The following AGPAT5 variants were observed in gnomAD, a reference collection of about 807,000 sequenced individuals.
AGPAT5 encodes the protein 1-acyl-sn-glycerol-3-phosphate acyltransferase epsilon.
Under a neutral mutation model 45.6 loss-of-function variants are expected in AGPAT5, and 46 were observed. The ratio of observed to expected loss-of-function variants is 1.01; its 90% CI spans 0.80 to 1.29. The LOEUF is 1.29. AGPAT5 is among the 50% of genes most tolerant of loss of function. The pLI, the probability that AGPAT5 is intolerant of heterozygous loss-of-function variation, is 0.00. For synonymous variants in AGPAT5, 272 were observed against 167.0 expected, an observed-to-expected ratio of 1.63 and a Z score of -4.85; for missense variants, 673 against 450.7, an observed-to-expected ratio of 1.49 and a Z score of -4.47.
intron 4 of AGPAT5, among the ~76,000 whole-genome samples, chr8:6,735,833 T>A (rs1176067456): frequency 6.6e-6 from 1 of 151,602 alleles, no homozygotes; most frequent in South Asian, 2.1e-4. Flanking sequence ...GTGTTCCTGT[T>A]TATTCTTTAT....
At chr8:6,754,493 G>C (rs576350090) in intron 6 of AGPAT5, among the ~76,000 whole-genome samples, 1 of 152,202 alleles carries the variant, frequency 6.6e-6, no homozygotes, top group Non-Finnish European at 1.5e-5. Flanking sequence ...GAGAAGCTGT[G>C]TGTCAGGCGA....
At chr8:6,743,282 A>G (rs1801298397) in intron 5 of AGPAT5, among the ~76,000 whole-genome samples, 1 of 152,148 alleles carries the variant, frequency 6.6e-6, no homozygotes, top group East Asian at 1.9e-4. Flanking sequence ...GGCTTTAGCC[A>G]TCGTTTCCTT....
chr8:6,747,177 A>C (rs1801501847), intron 5 of AGPAT5, among the ~76,000 whole-genome samples: 1 of 152,250 alleles, frequency 6.6e-6, no homozygotes, highest in Admixed American at 6.5e-5. Context: ...CACACAGTGG[A>C]ATACTAACTA....
chr8:6,734,515 C>T (rs1476560442), intron 4 of AGPAT5, among the ~76,000 whole-genome samples: 1 of 152,130 alleles, frequency 6.6e-6, no homozygotes, highest in African/African-American at 2.4e-5. Flanking sequence ...TCACGTTTTC[C>T]AGTTGAACCT....
intron 4 of AGPAT5, chr8:6,738,695 G>C (rs1170590807): frequency 6.6e-6 from 1 of 152,192 alleles, no homozygotes; most frequent in African/African-American, 2.4e-5. Context: ...TCACTCCTAA[G>C]AATGTTCCTG....
chr8:6,714,624 C>T (rs1800260929), intron 1 of AGPAT5, among the ~76,000 whole-genome samples: 1 of 152,212 alleles, frequency 6.6e-6, no homozygotes, highest in Non-Finnish European at 1.5e-5. Context: ...TTCCCCTACT[C>T]CTACACTGCG....
rs546927873 is a variant in AGPAT5, at chr8:6,759,169, T to C, written c.*1781T>C. The C allele has an allele frequency of 1.3e-5, 2 of 152,244 alleles. No homozygotes were observed. The highest frequency in any genetic ancestry group is 2.9e-5 in the Non-Finnish European group (2 of 68,050). The allele number at this position is 152,244 out of a possible 1,614,324, so 9.4% of individuals were successfully genotyped here. ...TTTCTCTTACCTGTAAAGTAAAATT[T>C]AGATCAATTCCATGTCTTTGTTAAG... On this transcript the variant is annotated 3_prime_UTR_variant, in exon 8 of 8. Transcript: ENST00000285518.
intron 4 of AGPAT5, among the ~76,000 whole-genome samples, chr8:6,737,798 G>C (rs1801103229): frequency 6.6e-6 from 1 of 152,184 alleles, no homozygotes; most frequent in African/African-American, 2.4e-5. Context: ...TGGATAACTT[G>C]CTATAGCTTA....
chr8:6,757,515 T>TAA lies in AGPAT5; in HGVS notation c.*128_*129dup. 1.3e-6 allele frequency: 1 copy of TAA among 747,910 alleles called. No individual in the cohort carries two copies. The highest frequency in any genetic ancestry group is 2.2e-6 in the Non-Finnish European group (1 of 460,122). 46.3% of individuals were successfully genotyped at this position (747,910 alleles called of 1,614,324 possible). A position where few individuals can be genotyped will look rare whatever the true frequency, so the allele number is the denominator to read the frequency against. ...AAAGCCTTGTTGATTGAAGATTGGA[T>TAA]AATAGAATTTGTGACGAAAGCTGAT... On this transcript the variant is annotated 3_prime_UTR_variant, in exon 8 of 8. Transcript: ENST00000285518.
At position 6,760,859 on chromosome 8, in the gene AGPAT5, A is replaced by G. The variant is rs1802017090; in HGVS notation, c.*3471A>G. Among the ~76,000 whole-genome samples, 1 of 152,320 alleles carries G rather than the reference A, an allele frequency of 6.6e-6. No individual in the cohort carries two copies. The highest frequency in any genetic ancestry group is 2.4e-5 in the African/African-American group (1 of 41,572). On this transcript the variant is annotated 3_prime_UTR_variant, in exon 8 of 8. Coordinates refer to ENST00000285518, the MANE Select transcript of AGPAT5 (RefSeq NM_018361.5). The stretch of plus-strand genomic sequence containing the variant: ...TTTGGTCAAAATATTTACAACATTC[A>G]CATACTTGTCAAATATTCATGTAAT...
chr8:6,743,656 A>G (rs895092096), intron 5 of AGPAT5, among the ~76,000 whole-genome samples: 7 of 152,154 alleles, frequency 4.6e-5, no homozygotes, highest in African/African-American at 1.7e-4. Flanking sequence ...GTTTTGTTTT[A>G]ACTAATTTTC....
chr8:6,733,117 A>G (rs566737540), intron 4 of AGPAT5, among the ~76,000 whole-genome samples: 8 of 152,364 alleles, frequency 5.3e-5, no homozygotes, highest in Non-Finnish European at 8.8e-5. Context: ...TGTAAATAAT[A>G]TTTTATAAAA....
At chr8:6,729,933 T>TTTGTTTGA (rs1248477982) in intron 2 of AGPAT5, among the ~76,000 whole-genome samples, 1 of 152,208 alleles carries the variant, frequency 6.6e-6, no homozygotes, top group Non-Finnish European at 1.5e-5. Context: ...ATGTGAGACC[T>TTTGTTTGA]TTGTTTGATT....
At chr8:6,716,486 G>T (rs1339445761) in intron 1 of AGPAT5, among the ~76,000 whole-genome samples, 1 of 151,878 alleles carries the variant, frequency 6.6e-6, no homozygotes, top group Non-Finnish European at 1.5e-5. Context: ...ACTTGAACAT[G>T]GGAGGTAGAG....
At chr8:6,732,683 A>C (rs754947813) in intron 4 of AGPAT5, 33 bp downstream of exon 4, 19 of 1,490,638 alleles carry the variant, frequency 1.3e-5, no homozygotes, top group Middle Eastern at 1.7e-4. Context: ...TTTTCTTACC[A>C]GCTCTCAGTT....
intron 4 of AGPAT5, among the ~76,000 whole-genome samples, chr8:6,735,692 GT>G (rs1801027272): frequency 1.3e-5 from 2 of 152,004 alleles, no homozygotes; most frequent in South Asian, 4.1e-4. Context: ...CAGTGTTGTT[GT>G]TGTTGTAGGG....
At chr8:6,754,161 C>T (rs527838107) in intron 6 of AGPAT5, among the ~76,000 whole-genome samples, 2 of 152,318 alleles carry the variant, frequency 1.3e-5, no homozygotes, top group Admixed American at 6.5e-5. Context: ...TACCTGTCCA[C>T]AGGGAGCCCC....
At chr8:6,713,064 C>T (rs573851176) in intron 1 of AGPAT5, among the ~76,000 whole-genome samples, 4 of 152,312 alleles carry the variant, frequency 2.6e-5, no homozygotes, top group South Asian at 2.1e-4. Context: ...ACCATCATTG[C>T]TCATTGCAGC....
intron 1 of AGPAT5, among the ~76,000 whole-genome samples, chr8:6,715,048 C>T (rs1042027592): frequency 1.3e-5 from 2 of 152,094 alleles, no homozygotes; most frequent in African/African-American, 4.8e-5. Context: ...AACCCAGATC[C>T]CTTAATTCCT....
Sources: gnomAD v4.1 joint callset for allele counts (sites outside exome capture counted in the v4.1 genomes callset) on GRCh38, gnomAD v4.1.1 for gene constraint, MANE v1.5 for transcripts, NCBI Gene and HGNC (gene_info 2026-07-23, HGNC 2026-07-21) for gene names.